The following AGBL3 variants were observed in gnomAD, a reference collection of about 807,000 sequenced individuals.
AGBL3 encodes the protein cytosolic carboxypeptidase 3.
In AGBL3, 68 loss-of-function variants were observed where a neutral mutation model predicts 94.5. The ratio of observed to expected loss-of-function variants is 0.72; its 90% CI spans 0.59 to 0.88. The LOEUF (loss-of-function observed/expected upper bound fraction) is 0.88, where lower values mean the gene tolerates loss of function less well. Among genes scored for constraint, AGBL3 ranks in the 40% least tolerant of loss-of-function variants. AGBL3 has a pLI of 0.00. For missense variants in AGBL3, 934 were observed against 1,103.8 expected, an observed-to-expected ratio of 0.85 and a Z score of 2.18; for synonymous variants, 354 against 370.7, an observed-to-expected ratio of 0.95 and a Z score of 0.52.
At chr7:135,039,268 A>T (rs185312900) in intron 8 of AGBL3, among the ~76,000 whole-genome samples, 7 of 152,368 alleles carry the variant, frequency 4.6e-5, no homozygotes, top group Non-Finnish European at 1.0e-4. Context: ...ATCTACAAAC[A>T]TGTAGATATT....
chr7:135,097,722 A>G (rs1823122302), intron 15 of AGBL3, among the ~76,000 whole-genome samples: 2 of 152,112 alleles, frequency 1.3e-5, no homozygotes, highest in African/African-American at 4.8e-5. Context: ...TTCTGACTTT[A>G]TGGAAATGGA....
At position 135,009,486 on chromosome 7, in the gene AGBL3, TG is replaced by T. The variant is rs1156376231; in HGVS notation, c.311-7563del. Among the ~76,000 whole-genome samples, 3 of 18,594 alleles carry T rather than the reference TG, an allele frequency of 1.6e-4. No individual in the cohort carries two copies. The Non-Finnish European group carries it at 8.5e-3, about 53-fold the overall frequency. The allele number at this position is 18,594 out of a possible 152,430, so 12.2% of individuals were successfully genotyped here. On this transcript the variant is annotated intron_variant, in intron 4 of 16. Coordinates refer to ENST00000436302, the MANE Select transcript of AGBL3 (RefSeq NM_178563.4). ...TCACTCAAGGTTAGTGTGGTAGTGT[TG>T]GGATTTTTTTTGATTGTTTTTTTCT...
chr7:135,128,488 G>T, intron 16 of AGBL3: 1 of 755,156 alleles, frequency 1.3e-6, no homozygotes, highest in South Asian at 1.4e-5. Context: ...GCTGGCCCCA[G>T]TGAGTATTTA....
chr7:135,061,810 C>T (rs1409946908), intron 12 of AGBL3, among the ~76,000 whole-genome samples: 1 of 151,996 alleles, frequency 6.6e-6, no homozygotes, highest in Admixed American at 6.6e-5. Context: ...TAAAGTCAGA[C>T]AGTGTGAGCT....
At chr7:135,110,572 C>A (rs532420012) in intron 15 of AGBL3, among the ~76,000 whole-genome samples, 21 of 152,264 alleles carry the variant, frequency 1.4e-4, no homozygotes, top group African/African-American at 5.1e-4. Context: ...CTGACTCACC[C>A]CTTCCTTGGG....
chr7:135,119,804 G>A (rs755402774), intron 16 of AGBL3, among the ~76,000 whole-genome samples: 2 of 152,150 alleles, frequency 1.3e-5, no homozygotes, highest in African/African-American at 4.8e-5. Flanking sequence ...ATGAACCTGG[G>A]AGGCAGAGCT....
At chr7:135,029,033 A>G (rs1196731366) in intron 5 of AGBL3, among the ~76,000 whole-genome samples, 1 of 152,206 alleles carries the variant, frequency 6.6e-6, no homozygotes, top group Non-Finnish European at 1.5e-5. Context: ...TATTTAGTAA[A>G]GCATGCTGTA....
At chr7:135,112,349 T>C (rs1425285104) in intron 15 of AGBL3, among the ~76,000 whole-genome samples, 4 of 152,242 alleles carry the variant, frequency 2.6e-5, no homozygotes, top group South Asian at 2.1e-4. Context: ...AACACATTTA[T>C]TTAGCATCTG....
Position 135,037,420 on chromosome 7 carries a change from T to G in AGBL3, c.1340T>G (p.Leu447Arg). ...TAACTTATCTTTCTTCCTGGCAGAC[T>G]GATGGAGAAACGAGAGGTTATTTTA... ...VWYTRNMVHR[L>R]MEKREVILYC... The change falls in exon 8 of 17, where the codon CTG (leucine) becomes CGG (arginine). Residue 447 changes from leucine to arginine, a missense_variant and splice_region_variant. Physicochemically the swap from Leu to Arg is moderately radical, Grantham distance 102 (BLOSUM62 -2). Transcript: ENST00000436302. 1 of 1,541,454 alleles carries G rather than the reference T, an allele frequency of 6.5e-7. No homozygotes were observed. Among genetic ancestry groups the G allele is most frequent in the Non-Finnish European group, 8.7e-7 (1 of 1,143,556 alleles).
chr7:135,117,798 C>G (rs1439641200), intron 16 of AGBL3, among the ~76,000 whole-genome samples: 1 of 152,186 alleles, frequency 6.6e-6, no homozygotes, highest in Non-Finnish European at 1.5e-5. Flanking sequence ...ATTTGCCCTT[C>G]TCTGGGGACT....
chr7:135,063,930 A>G (rs1409448352), intron 12 of AGBL3, among the ~76,000 whole-genome samples: 1 of 152,194 alleles, frequency 6.6e-6, no homozygotes, highest in Non-Finnish European at 1.5e-5. Context: ...AGCCAAACTT[A>G]GCTCCTAATT....
chr7:135,034,664 T>C lies in AGBL3; in HGVS notation c.1073T>C (p.Ile358Thr). 1 of 1,551,616 alleles carries C rather than the reference T, an allele frequency of 6.4e-7. No individual in the cohort carries two copies. The highest frequency in any genetic ancestry group is 8.7e-7 in the Non-Finnish European group (1 of 1,146,936). The part of the protein sequence containing the change: ...NSDSRKRKAV[I>T]LTARVHPGET... Reference sequence around the variant, plus strand: ...GACTCAAGAAAGCGGAAGGCTGTGATTCTGACTGCAAGGGTCCATCCAGGG... The same window carrying C: ...GACTCAAGAAAGCGGAAGGCTGTGACTCTGACTGCAAGGGTCCATCCAGGG... The change falls in exon 7 of 17, where the codon ATT (isoleucine) becomes ACT (threonine). Residue 358 changes from isoleucine (I) to threonine (T), a missense_variant. By Grantham distance (89) the Ile-to-Thr change is moderately conservative. Transcript: ENST00000436302.
intron 8 of AGBL3, among the ~76,000 whole-genome samples, chr7:135,040,883 CACCA>C (rs1279556673): frequency 1.5e-4 from 2 of 13,172 alleles, no homozygotes; most frequent in East Asian, 0.011. Context: ...CACACACACA[CACCA>C]CACACACACA....
At chr7:135,030,751 G>A (rs2116407397) in intron 5 of AGBL3, among the ~76,000 whole-genome samples, 1 of 151,342 alleles carries the variant, frequency 6.6e-6, no homozygotes, top group Middle Eastern at 3.4e-3. Context: ...CTGGATATTT[G>A]TCCATTTTTT....
intron 15 of AGBL3, chr7:135,092,980 T>C (rs1011610472): frequency 6.6e-6 from 1 of 151,880 alleles, no homozygotes; most frequent in Non-Finnish European, 1.5e-5. Context: ...CCAACATTCT[T>C]TCATGATTAA....
intron 13 of AGBL3, among the ~76,000 whole-genome samples, chr7:135,077,723 T>C (rs996246779): frequency 7.8e-4 from 2 of 2,568 alleles, no homozygotes; most frequent in Non-Finnish European, 0.062. Context: ...TTTTCTGCCT[T>C]TATGCCCCTG....
chr7:135,083,886 C>T (rs1176732955), intron 15 of AGBL3, among the ~76,000 whole-genome samples: 5 of 152,098 alleles, frequency 3.3e-5, no homozygotes, highest in African/African-American at 1.2e-4. Flanking sequence ...TTTGATGTCA[C>T]CCCATAATTT....
chr7:135,114,608 C>G (rs1006729694), intron 15 of AGBL3, among the ~76,000 whole-genome samples: 4 of 152,062 alleles, frequency 2.6e-5, no homozygotes, highest in Non-Finnish European at 4.4e-5. Flanking sequence ...ACATCCAATT[C>G]TTTAGAAAAT....
At chr7:135,078,057 T>C (rs1406786652) in intron 13 of AGBL3, among the ~76,000 whole-genome samples, 3 of 152,172 alleles carry the variant, frequency 2.0e-5, no homozygotes, top group Non-Finnish European at 4.4e-5. Flanking sequence ...CAAGCTAAAC[T>C]GAATACTGAC....
Sources: gnomAD v4.1 joint callset for allele counts (sites outside exome capture counted in the v4.1 genomes callset) on GRCh38, gnomAD v4.1.1 for gene constraint, MANE v1.5 for transcripts, NCBI Gene and HGNC (gene_info 2026-07-23, HGNC 2026-07-21) for gene names.